Variants in DIS3L observed in about 807,000 individuals in gnomAD.
DIS3L encodes the protein DIS3-like exonuclease 1.
DIS3L carries 100 observed loss-of-function variants against 120.3 expected under a neutral mutation model. The ratio of observed to expected loss-of-function variants is 0.83; its 90% CI spans 0.71 to 0.98. The LOEUF is 0.98. Among genes scored for constraint, DIS3L ranks in the 50% least tolerant of loss-of-function variants. The probability of loss-of-function intolerance (pLI) is 0.00; values close to 1 mark genes in which losing one functional copy is unlikely to be tolerated. For missense variants in DIS3L, 1,196 were observed against 1,314.2 expected (o/e 0.91, Z 1.39); for synonymous variants, 426 against 470.6 (o/e 0.91, Z 1.23).
intron 11 of DIS3L, 143 bp from the exon 12 acceptor site, chr15:66,325,688 G>C (rs1250259237): frequency 3.2e-6 from 3 of 943,172 alleles, no homozygotes; most frequent in South Asian, 1.9e-5. Context: ...TCAAGTCCAG[G>C]AGATTGAGGC....
chr15:66,294,778 G>A (rs935276270), intron 1 of DIS3L, among the ~76,000 whole-genome samples: 8 of 152,088 alleles, frequency 5.3e-5, no homozygotes, highest in Non-Finnish European at 1.2e-4. Flanking sequence ...CATAAACCAC[G>A]TTGAGCTTGT....
At chr15:66,297,648 GT>G in intron 2 of DIS3L, among the ~76,000 whole-genome samples, 1 of 152,092 alleles carries the variant, frequency 6.6e-6, no homozygotes. Context: ...GGAACATTTT[GT>G]TTTGTTTTTC....
intron 2 of DIS3L, among the ~76,000 whole-genome samples, chr15:66,305,048 T>C (rs1422324330): frequency 1.4e-5 from 2 of 140,100 alleles, no homozygotes; most frequent in African/African-American, 5.4e-5. Flanking sequence ...GTCACCAGGC[T>C]GGAGTGCAGT....
chr15:66,315,151 C>A lies in DIS3L; in HGVS notation c.930C>A (p.Ala310=). ...PKNEWKGRTV[A]LCENDCDDKA... ...ATGAATGGAAAGGAAGAACCGTAGCCCTGTGTGAGAATGACTGTGACGACA... is the reference window on the plus strand; with the variant it reads ...ATGAATGGAAAGGAAGAACCGTAGCACTGTGTGAGAATGACTGTGACGACA... The change falls in exon 7 of 17, where the codon GCC becomes GCA. Residue 310 remains alanine (A), a synonymous_variant. Transcript: ENST00000319212. 2 of 1,614,006 alleles carry A rather than the reference C, an allele frequency of 1.2e-6. No homozygotes were observed. The highest frequency in any genetic ancestry group is 1.7e-6 in the Non-Finnish European group (2 of 1,179,980).
intron 15 of DIS3L, 35 bp from the exon 16 acceptor site, chr15:66,332,701 A>G (rs371649056): frequency 5.6e-5 from 87 of 1,559,874 alleles, no homozygotes; most frequent in Non-Finnish European, 6.9e-5. Context: ...CTAAGAATAC[A>G]TTGTCTCTGG....
chr15:66,322,214 A>G (rs1172621840), intron 9 of DIS3L, among the ~76,000 whole-genome samples: 1 of 152,238 alleles, frequency 6.6e-6, no homozygotes, highest in African/African-American at 2.4e-5. Context: ...ACAGATAATA[A>G]TGGAGAGAAA....
chr15:66,293,590 C>A lies in DIS3L; in HGVS notation c.-7C>A. ...GCCACTCCGCGGCCGCCGGGAGACA[C>A]GCCGCCATGCTGCAGAAGCGGGAGA... On this transcript the variant is annotated 5_prime_UTR_variant, in exon 1 of 17. Coordinates refer to ENST00000319212, the MANE Select transcript of DIS3L (RefSeq NM_001143688.3). 2 of 1,428,188 alleles carry A rather than the reference C, an allele frequency of 1.4e-6. No individual in the cohort carries two copies. The highest frequency in any genetic ancestry group is 1.8e-6 in the Non-Finnish European group (2 of 1,090,760). 88.5% of individuals were successfully genotyped at this position (1,428,188 alleles called of 1,614,324 possible).
At chr15:66,321,333 A>G (rs895197466) in intron 9 of DIS3L, among the ~76,000 whole-genome samples, 1 of 152,112 alleles carries the variant, frequency 6.6e-6, no homozygotes, top group Admixed American at 6.5e-5. Flanking sequence ...TGCTTCTTTC[A>G]CTTAAAATTA....
At chr15:66,324,946 A>G (rs2092920793) in intron 11 of DIS3L, among the ~76,000 whole-genome samples, 1 of 152,138 alleles carries the variant, frequency 6.6e-6, no homozygotes, top group African/African-American at 2.4e-5. Flanking sequence ...CTTGGTGGCA[A>G]AGAGTTTTTT....
rs186758661 is a variant in DIS3L, at chr15:66,314,968, G to A, written c.815-68G>A. The A allele has an allele frequency of 4.0e-5, 61 of 1,512,138 alleles. No homozygotes were observed. In the Admixed American group the frequency reaches 8.8e-4, roughly 22 times the overall value. The allele number at this position is 1,512,138 out of a possible 1,614,324, so 93.7% of individuals were successfully genotyped here. A position where few individuals can be genotyped will look rare whatever the true frequency, so the allele number is the denominator to read the frequency against. ...TGATTAGACTTCGAGTATATCATGCGCGGAATGCCTCACTGGTGTGCCATT... is the reference window on the plus strand; with the variant it reads ...TGATTAGACTTCGAGTATATCATGCACGGAATGCCTCACTGGTGTGCCATT... On this transcript the variant is annotated intron_variant, in intron 6 of 16. Transcript: ENST00000319212.
chr15:66,318,539 C>G lies in DIS3L; in HGVS notation c.1085C>G (p.Ala362Gly), dbSNP rs927563859. The change falls in exon 8 of 17, where the codon GCT (alanine) becomes GGT (glycine). Residue 362 changes from alanine to glycine, a missense_variant. Ala to Gly is a moderately conservative substitution (Grantham distance 60). Coordinates refer to ENST00000319212, the MANE Select transcript of DIS3L (RefSeq NM_001143688.3). ...KEEVQSQGKN[A>G]QKILVTPWDY... ...GAGGTCCAATCTCAGGGCAAAAATG[C>G]TCAGAAAATCCTGGTTACACCTTGG... The G allele has an allele frequency of 1.9e-6, 3 of 1,614,014 alleles. No individual in the cohort carries two copies. Among genetic ancestry groups the G allele is most frequent in the Non-Finnish European group, 2.5e-6 (3 of 1,180,016 alleles).
At position 66,293,593 on chromosome 15, in the gene DIS3L, C is replaced by T; in HGVS notation, c.-4C>T. The T allele has an allele frequency of 1.4e-6, 2 of 1,432,672 alleles. No individual in the cohort carries two copies. The highest frequency in any genetic ancestry group is 1.8e-6 in the Non-Finnish European group (2 of 1,093,466). The allele number at this position is 1,432,672 out of a possible 1,614,324, so 88.7% of individuals were successfully genotyped here. A position where few individuals can be genotyped will look rare whatever the true frequency, so the allele number is the denominator to read the frequency against. ...ACTCCGCGGCCGCCGGGAGACACGC[C>T]GCCATGCTGCAGAAGCGGGAGAAGG... On this transcript the variant is annotated 5_prime_UTR_variant, in exon 1 of 17. Transcript: ENST00000319212.
chr15:66,326,520 C>A, intron 12 of DIS3L, 156 bp downstream of exon 12: 1 of 836,918 alleles, frequency 1.2e-6, no homozygotes, highest in Non-Finnish European at 1.8e-6. Context: ...TTTCCCTCTT[C>A]ATTGTTATGT....
At position 66,325,847 on chromosome 15, in the gene DIS3L, A is replaced by C. The variant is rs765641322; in HGVS notation, c.1684A>C (p.Met562Leu). ...GGVDRYAVSI[M>L]WELDKASYEI... ...TTTTTGTAGGTATGCTGTAAGCATCATGTGGGAACTGGATAAAGCCTCTTA... is the reference window on the plus strand; with the variant it reads ...TTTTTGTAGGTATGCTGTAAGCATCCTGTGGGAACTGGATAAAGCCTCTTA... The change falls in exon 12 of 17, where the codon ATG becomes CTG. Residue 562 changes from methionine to leucine, a missense_variant. Met to Leu is a conservative substitution (Grantham distance 15, BLOSUM62 2). Transcript: ENST00000319212. 6.2e-7 allele frequency: 1 copy of C among 1,602,484 alleles called. No homozygotes were observed. The highest frequency in any genetic ancestry group is 8.5e-7 in the Non-Finnish European group (1 of 1,170,684).
At position 66,323,162 on chromosome 15, in the gene DIS3L, C is replaced by T. The variant is rs572011729; in HGVS notation, c.1574+228C>T. 3.3e-5 allele frequency among the ~76,000 whole-genome samples: 5 copies of T among 152,214 alleles called. No individual in the cohort carries two copies. In the South Asian group the frequency reaches 6.2e-4, roughly 19 times the overall value. On this transcript the variant is annotated intron_variant, in intron 10 of 16. Transcript: ENST00000319212. Reference sequence around the variant, plus strand: ...TTTCACACATTGTTTCCTACTAAATCGAAATGGGTTAAATTTTCATGTAGT... The same window carrying T: ...TTTCACACATTGTTTCCTACTAAATTGAAATGGGTTAAATTTTCATGTAGT...
chr15:66,329,662 C>T, intron 14 of DIS3L: 2 of 1,113,552 alleles, frequency 1.8e-6, no homozygotes, highest in East Asian at 1.2e-4. Context: ...TGACAGAGGC[C>T]AGACGTGGTG....
intron 1 of DIS3L, chr15:66,294,024 C>G: frequency 1.0e-6 from 1 of 988,388 alleles, no homozygotes; most frequent in Non-Finnish European, 1.2e-6. Context: ...TTTGGCTCCT[C>G]AGAGGGGCCT....
intron 4 of DIS3L, among the ~76,000 whole-genome samples, chr15:66,309,677 G>A (rs375184896): frequency 4.6e-5 from 7 of 152,270 alleles, no homozygotes; most frequent in Admixed American, 2.0e-4. Flanking sequence ...TAGGGCTATG[G>A]TTAAAATCCA....
chr15:66,330,288 C>T, intron 14 of DIS3L: 1 of 984,890 alleles, frequency 1.0e-6, no homozygotes, highest in East Asian at 1.1e-4. Context: ...CAGAGCGAAA[C>T]TCCGTCTAAA....
Sources: allele counts gnomAD v4.1 joint callset (sites outside exome capture counted in the v4.1 genomes callset), GRCh38; gene constraint gnomAD v4.1.1; transcripts MANE v1.5; gene names NCBI Gene and HGNC (gene_info 2026-07-23, HGNC 2026-07-21).